MUCL1: variants seen among roughly 807,000 people sequenced by gnomAD.
The protein encoded by MUCL1 is mucin-like protein 1.
Under a neutral mutation model 9.2 loss-of-function variants are expected in MUCL1, and 11 were observed. That is an observed-to-expected ratio of 1.19 (90% CI 0.75 to 1.97). The LOEUF (loss-of-function observed/expected upper bound fraction) is 1.97. Ranked by LOEUF, MUCL1 falls within the 30% of genes most tolerant of loss-of-function variation. The pLI is 0.00. For synonymous variants in MUCL1, 48 were observed against 40.5 expected, an observed-to-expected ratio of 1.19 and a Z score of -0.71; for missense variants, 144 against 110.9, an observed-to-expected ratio of 1.30 and a Z score of -1.34.
At chr12:54,836,178 G>T (rs373603670), upstream of MUCL1, among the ~76,000 whole-genome samples, 5 of 152,090 alleles carry the variant, frequency 3.3e-5, no homozygotes, top group African/African-American at 1.2e-4. Flanking sequence ...TTCTTTGAAG[G>T]TCTGGTAGAC....
upstream of MUCL1, among the ~76,000 whole-genome samples, chr12:54,850,120 C>T (rs930647553): frequency 6.6e-6 from 1 of 152,114 alleles, no homozygotes; most frequent in Non-Finnish European, 1.5e-5. Flanking sequence ...GGATAGTCTC[C>T]CTCAACCCTA....
intron 1 of MUCL1, among the ~76,000 whole-genome samples, chr12:54,846,077 C>A (rs1327152338): frequency 2.0e-5 from 3 of 152,250 alleles, no homozygotes; most frequent in South Asian, 2.1e-4. Flanking sequence ...GTCCTTCGAG[C>A]CCATATGTGA....
rs938964482 is a variant in MUCL1, at chr12:54,849,290, GA to G, written c.44-5823del. On this transcript the variant is annotated intron_variant, in intron 1 of 3. Transcript: ENST00000546809. ...TTTGGTATTGATGATAGCAGTGTAT[GA>G]AATATTAGCCATAAAGGAGTAGGAA... Among the ~76,000 whole-genome samples, 9 of 151,960 alleles carry G rather than the reference GA, an allele frequency of 5.9e-5. 1 individual carries two copies. The highest frequency in any genetic ancestry group is 1.0e-4 in the Non-Finnish European group (7 of 67,960).
chr12:54,847,979 A>T (rs1468295168), intron 1 of MUCL1, among the ~76,000 whole-genome samples: 3 of 151,498 alleles, frequency 2.0e-5, no homozygotes, highest in Non-Finnish European at 4.4e-5. Flanking sequence ...CTAACAGCAA[A>T]TCCTGTTTCA....
At chr12:54,843,321 A>G (rs1959221956) in intron 1 of MUCL1, among the ~76,000 whole-genome samples, 2 of 152,218 alleles carry the variant, frequency 1.3e-5, no homozygotes, top group African/African-American at 4.8e-5. Flanking sequence ...AAAATAATGA[A>G]TGGGTATTGA....
At chr12:54,844,071 TTTTC>T (rs1266151626) in intron 1 of MUCL1, among the ~76,000 whole-genome samples, 4 of 152,274 alleles carry the variant, frequency 2.6e-5, no homozygotes, top group African/African-American at 9.6e-5. Flanking sequence ...GTTTTGTAAA[TTTTC>T]TTTCTTATAT....
At chr12:54,857,269 T>C (rs1309854168) in intron 3 of MUCL1, among the ~76,000 whole-genome samples, 1 of 150,874 alleles carries the variant, frequency 6.6e-6, no homozygotes, top group East Asian at 1.9e-4. Flanking sequence ...TGTGTGTGTG[T>C]TTAAATCAGG....
chr12:54,846,268 C>A (rs1223389509), intron 1 of MUCL1, among the ~76,000 whole-genome samples: 1 of 152,088 alleles, frequency 6.6e-6, no homozygotes, highest in Non-Finnish European at 1.5e-5. Context: ...TCACAGACAC[C>A]CATCCCTAGA....
chr12:54,837,204 C>A (rs1347527897), upstream of MUCL1, among the ~76,000 whole-genome samples: 2 of 152,024 alleles, frequency 1.3e-5, no homozygotes, highest in Non-Finnish European at 2.9e-5. Flanking sequence ...TACTATTGTG[C>A]TGCTGTCTAT....
At chr12:54,850,622 G>T (rs1308678805), upstream of MUCL1, among the ~76,000 whole-genome samples, 1 of 152,012 alleles carries the variant, frequency 6.6e-6, no homozygotes, top group Admixed American at 6.6e-5. Context: ...ATAAACATAC[G>T]TGTGCATGTG....
At chr12:54,851,407 C>G (rs1039989498), upstream of MUCL1, among the ~76,000 whole-genome samples, 6 of 152,244 alleles carry the variant, frequency 3.9e-5, no homozygotes, top group Admixed American at 3.3e-4. Flanking sequence ...AAGACAAAAA[C>G]CACATGATTA....
At chr12:54,840,988 T>A (rs1245668325) in intron 1 of MUCL1, among the ~76,000 whole-genome samples, 5 of 152,246 alleles carry the variant, frequency 3.3e-5, no homozygotes, top group African/African-American at 1.2e-4. Flanking sequence ...GCTCCCCTTT[T>A]CTCTCACTCC....
intron 1 of MUCL1, among the ~76,000 whole-genome samples, chr12:54,846,900 T>C (rs756668052): frequency 6.6e-6 from 1 of 152,220 alleles, no homozygotes; most frequent in Non-Finnish European, 1.5e-5. Context: ...TCTGGGACTA[T>C]AGGATCTTCC....
At chr12:54,853,764 T>G (rs1434704320), upstream of MUCL1, among the ~76,000 whole-genome samples, 2 of 152,186 alleles carry the variant, frequency 1.3e-5, no homozygotes, top group Non-Finnish European at 1.5e-5. Flanking sequence ...ATGTATTAAA[T>G]AAAATTTTTG....
At chr12:54,849,703 C>T (rs571540784), upstream of MUCL1, among the ~76,000 whole-genome samples, 5 of 151,830 alleles carry the variant, frequency 3.3e-5, no homozygotes, top group East Asian at 3.9e-4. Flanking sequence ...ATATAACATG[C>T]CCTATATATA....
chr12:54,855,053 C>G (rs1868288765), intron 1 of MUCL1, 63 bp from the exon 2 acceptor site: 1 of 1,423,704 alleles, frequency 7.0e-7, no homozygotes, highest in Non-Finnish European at 9.9e-7. Context: ...CATATTCTCT[C>G]TTACCTCCAT....
At chr12:54,831,028 T>G (rs1421496231) in intron 1 of MUCL1, among the ~76,000 whole-genome samples, 2 of 152,166 alleles carry the variant, frequency 1.3e-5, no homozygotes, top group Non-Finnish European at 2.9e-5. Flanking sequence ...AGAAACGTGA[T>G]TTGGATAAAA....
chr12:54,852,847 C>T (rs1159719395), upstream of MUCL1, among the ~76,000 whole-genome samples: 1 of 151,968 alleles, frequency 6.6e-6, no homozygotes, highest in Non-Finnish European at 1.5e-5. Flanking sequence ...CCTTCTTTAT[C>T]TCTTTTAAAT....
Position 54,856,797 on chromosome 12 carries a change from A to C in MUCL1, c.128A>C (p.Asp43Ala). 4 of 1,613,384 alleles carry C rather than the reference A, an allele frequency of 2.5e-6. No individual in the cohort carries two copies. Among genetic ancestry groups the C allele is most frequent in the Non-Finnish European group, 3.4e-6 (4 of 1,179,720 alleles). The change falls in exon 3 of 4, where the codon GAT (aspartate) becomes GCT (alanine). Residue 43 changes from aspartate (D) to alanine (A), a missense_variant. Physicochemically the swap from Asp to Ala is moderately radical, Grantham distance 126. Transcript: ENST00000308796. ...GGTCCTGCTGATGATGAAGCCCCTG[A>C]TGCTGAAACCACTGCTGCTGCAACC... ...ATGPADDEAP[D>A]AETTAAATTA... is the part of the protein sequence containing the mutation.
Sources: gnomAD v4.1 joint callset for allele counts (sites outside exome capture counted in the v4.1 genomes callset) on GRCh38, gnomAD v4.1.1 for gene constraint, MANE v1.5 for transcripts, NCBI Gene and HGNC (gene_info 2026-07-23, HGNC 2026-07-21) for gene names.